PYY: variants seen among roughly 807,000 people sequenced by gnomAD.
The protein encoded by PYY is peptide tyrosine tyrosine.
A neutral mutation model predicts 10.3 loss-of-function variants in PYY; 12 were observed. The ratio of observed to expected loss-of-function variants is 1.17; its 90% CI spans 0.75 to 1.89. PYY has a LOEUF of 1.89. Ranked by LOEUF, PYY falls within the 40% of genes most tolerant of loss-of-function variation. PYY has a pLI of 0.00. For synonymous variants in PYY, 66 were observed against 62.0 expected (o/e 1.06, Z -0.30); for missense variants, 141 against 134.0 (o/e 1.05, Z -0.26).
At chr17:43,989,809 TAAAAAAAAA>T (rs1174890162) in intron 1 of PYY, among the ~76,000 whole-genome samples, 128 of 10,478 alleles carry the variant, frequency 0.012, 3 homozygotes, top group South Asian at 0.034. Flanking sequence ...GCTGTCTCTT[TAAAAAAAAA>T]AAAAAAAAAA....
upstream of PYY, among the ~76,000 whole-genome samples, chr17:43,955,957 C>T (rs888178009): frequency 2.6e-5 from 4 of 151,974 alleles, no homozygotes; most frequent in Non-Finnish European, 5.9e-5. Flanking sequence ...CTCTTCTGAC[C>T]CTGCGGCGGC....
intron 1 of PYY, among the ~76,000 whole-genome samples, chr17:43,982,765 T>C (rs1029136957): frequency 6.6e-6 from 1 of 152,242 alleles, no homozygotes; most frequent in African/African-American, 2.4e-5. Flanking sequence ...CTGAGCCTGA[T>C]GCCTGTGTTC....
chr17:43,994,352 T>C (rs1333638742), intron 1 of PYY, among the ~76,000 whole-genome samples: 1 of 151,898 alleles, frequency 6.6e-6, no homozygotes, highest in Non-Finnish European at 1.5e-5. Context: ...ACCCCACCCC[T>C]GGCCTCAAGC....
At chr17:43,992,941 G>T (rs2048967577) in intron 1 of PYY, among the ~76,000 whole-genome samples, 1 of 152,232 alleles carries the variant, frequency 6.6e-6, no homozygotes, top group Non-Finnish European at 1.5e-5. Context: ...ACAGTGAGAG[G>T]ACACACTTCT....
At chr17:43,954,906 G>A (rs2048661933), upstream of PYY, among the ~76,000 whole-genome samples, 2 of 152,254 alleles carry the variant, frequency 1.3e-5, no homozygotes, top group Admixed American at 1.3e-4. Flanking sequence ...ACAAGACGAT[G>A]AGCTGAGTTT....
At chr17:44,003,365 G>C (rs2049043502) in intron 1 of PYY, among the ~76,000 whole-genome samples, 1 of 152,230 alleles carries the variant, frequency 6.6e-6, no homozygotes, top group East Asian at 1.9e-4. Flanking sequence ...AGTTTAAAAA[G>C]GTTAAAGAGG....
chr17:43,959,980 T>C (rs2048700273), intron 2 of PYY, among the ~76,000 whole-genome samples: 1 of 152,242 alleles, frequency 6.6e-6, no homozygotes, highest in Non-Finnish European at 1.5e-5. Flanking sequence ...ACTTGTGTCT[T>C]TGTGGCTCCT....
In PYY at chr17:43,952,839, C is replaced by G. The variant is rs899364723; in HGVS notation, c.*117G>C. On this transcript the variant is annotated 3_prime_UTR_variant, in exon 4 of 4. Coordinates refer to ENST00000692052, the MANE Select transcript of PYY (RefSeq NM_001394028.1). ...CCGAGACGCGGGCGGAGGGCCGCAC[C>G]CGAACCCTGCCCAGACGCCGCCGTC... 8.1e-7 allele frequency: 1 copy of G among 1,240,038 alleles called. No homozygotes were observed. The highest frequency in any genetic ancestry group is 1.6e-5 in the African/African-American group (1 of 64,190). The allele number at this position is 1,240,038 out of a possible 1,614,324, so 76.8% of individuals were successfully genotyped here.
intron 1 of PYY, among the ~76,000 whole-genome samples, chr17:43,968,591 C>A (rs1057026081): frequency 6.6e-6 from 1 of 152,188 alleles, no homozygotes; most frequent in African/African-American, 2.4e-5. Flanking sequence ...GCAGATGGAT[C>A]ACTTGAGGTC....
At chr17:43,982,158 T>C (rs563437583) in intron 1 of PYY, among the ~76,000 whole-genome samples, 2 of 152,258 alleles carry the variant, frequency 1.3e-5, no homozygotes, top group South Asian at 4.1e-4. Flanking sequence ...ACCCACACTC[T>C]CACCCATACA....
At chr17:43,966,500 A>G (rs1358885046) in exon 2 of PYY, 1 of 152,302 alleles carries the variant, frequency 6.6e-6, no homozygotes, top group African/African-American at 2.4e-5. Context: ...GGAATTCCTC[A>G]TAAAGGGCTG....
upstream of PYY, among the ~76,000 whole-genome samples, chr17:43,958,386 A>ATT (rs756156118): frequency 9.8e-5 from 14 of 142,172 alleles, no homozygotes; most frequent in Admixed American, 1.4e-4. Flanking sequence ...CCTAAAAGGC[A>ATT]TTTTTTTTTT....
At chr17:43,993,823 T>C (rs1423675765) in intron 1 of PYY, among the ~76,000 whole-genome samples, 1 of 151,764 alleles carries the variant, frequency 6.6e-6, no homozygotes, top group Admixed American at 6.6e-5. Flanking sequence ...CTTCTCTAAG[T>C]TACTTTTATT....
intron 1 of PYY, among the ~76,000 whole-genome samples, chr17:44,003,267 A>G (rs2049042718): frequency 6.6e-6 from 1 of 152,052 alleles, no homozygotes; most frequent in African/African-American, 2.4e-5. Flanking sequence ...TTCTGACCTC[A>G]AATGACCCAC....
At chr17:43,961,802 G>T (rs1396185046) in intron 2 of PYY, among the ~76,000 whole-genome samples, 1 of 152,054 alleles carries the variant, frequency 6.6e-6, no homozygotes. Flanking sequence ...GAGATTATAG[G>T]CGTGAGCCAC....
chr17:43,976,319 A>ACATG (rs11280962), intron 1 of PYY, among the ~76,000 whole-genome samples: 2 of 56,184 alleles, frequency 3.6e-5, no homozygotes, highest in Admixed American at 1.8e-4. Flanking sequence ...GTATATACAC[A>ACATG]TATACATGTA....
At position 43,971,836 on chromosome 17, in the gene PYY, A is replaced by G. The variant is rs377233587; in HGVS notation, c.-462-5304T>C. On this transcript the variant is annotated intron_variant, in intron 1 of 6. Coordinates refer to the PYY transcript ENST00000360085. Reference sequence around the variant, plus strand: ...TTTCGTTTTCTTAACCCTGTCTTTCATAGAACAAAAGTTTTTATTTATGAT... The same window carrying G: ...TTTCGTTTTCTTAACCCTGTCTTTCGTAGAACAAAAGTTTTTATTTATGAT... Among the ~76,000 whole-genome samples, 34 of 152,184 alleles carry G rather than the reference A, an allele frequency of 2.2e-4. No individual in the cohort carries two copies. In the East Asian group the frequency reaches 2.5e-3, roughly 11 times the overall value.
intron 1 of PYY, among the ~76,000 whole-genome samples, chr17:43,982,628 C>T (rs749522987): frequency 6.6e-6 from 1 of 152,150 alleles, no homozygotes; most frequent in African/African-American, 2.4e-5. Context: ...GGTTAAGGCA[C>T]GTGGAAGGAA....
intron 1 of PYY, 127 bp downstream of exon 1, chr17:43,953,723 C>T (rs186691): frequency 2.5e-6 from 1 of 395,702 alleles, no homozygotes; most frequent in African/African-American, 2.1e-5. Context: ...TGCTGGCCTC[C>T]TTCCCACCTC....
Sources: gnomAD v4.1 joint callset for allele counts (sites outside exome capture counted in the v4.1 genomes callset) on GRCh38, gnomAD v4.1.1 for gene constraint, MANE v1.5 for transcripts, NCBI Gene and HGNC (gene_info 2026-07-23, HGNC 2026-07-21) for gene names.